MTNR1A: variants seen among roughly 807,000 people sequenced by gnomAD.
The protein encoded by MTNR1A is melatonin receptor 1A, also known as melatonin receptor type 1A.
MTNR1A carries 7 observed loss-of-function variants against 5.5 expected under a neutral mutation model. That is an observed-to-expected ratio of 1.28 (90% confidence interval 0.73 to 2.40). The LOEUF (loss-of-function observed/expected upper bound fraction) is 2.40. MTNR1A is among the 30% of genes most tolerant of loss of function. The pLI, the probability that MTNR1A is intolerant of heterozygous loss-of-function variation, is 0.00. For synonymous variants in MTNR1A, 196 were observed against 202.7 expected (o/e 0.97, Z 0.28); for missense variants, 441 against 464.4 (o/e 0.95, Z 0.46).
Position 186,533,866 on chromosome 4 carries a change from G to A in MTNR1A, c.876C>T (p.Ala292=), listed in dbSNP as rs762858253. Residue 292 remains alanine, a synonymous_variant, in exon 2 of 2, where the codon GCC becomes GCT. Transcript: ENST00000307161. Reference sequence around the variant, plus strand: ...TTTGGTTCAGTAGCCCGTATATAATGGCATTGAGGCAGCTGTTGAAATACG... The same window carrying A: ...TTTGGTTCAGTAGCCCGTATATAATAGCATTGAGGCAGCTGTTGAAATACG... ...YMAYFNSCLN[A]IIYGLLNQNF... is the part of the protein sequence containing the mutation. 9 of 1,614,040 alleles carry A rather than the reference G, an allele frequency of 5.6e-6. No individual in the cohort carries two copies. Among genetic ancestry groups the A allele is most frequent in the Non-Finnish European group, 7.6e-6 (9 of 1,180,048 alleles).
At chr4:186,535,308 A>T (rs1418527129) in intron 1 of MTNR1A, among the ~76,000 whole-genome samples, 2 of 152,234 alleles carry the variant, frequency 1.3e-5, no homozygotes, top group Non-Finnish European at 2.9e-5. Flanking sequence ...TAGATCTTAT[A>T]AAGAACTTAC....
rs1377784802 is a variant in MTNR1A at position 186,555,307 on chromosome 4, C to G, written c.59G>C (p.Gly20Ala). ...GGACGCCAGCCACGAGGGCCGCGCG[C>G]CGTCCCCGCGGAGCACGGGCTGGGA... ...NASQPVLRGD[G>A]ARPSWLASAL... Residue 20 changes from glycine to alanine, a missense_variant, in exon 1 of 2, where the codon GGC becomes GCC. Gly to Ala is a moderately conservative substitution (Grantham distance 60, BLOSUM62 0). Transcript: ENST00000307161. The surrounding 1 kb of genome is among the most constrained non-coding windows in gnomAD (Gnocchi z 4.1). 2.6e-6 allele frequency: 4 copies of G among 1,547,478 alleles called. No individual in the cohort carries two copies. In the South Asian group the frequency reaches 4.8e-5, roughly 18 times the overall value.
At chr4:186,553,238 T>C (rs937534187) in intron 1 of MTNR1A, among the ~76,000 whole-genome samples, 1 of 152,246 alleles carries the variant, frequency 6.6e-6, no homozygotes, top group Non-Finnish European at 1.5e-5. Context: ...GAATCAGCTA[T>C]CCTTATCACT....
At chr4:186,538,485 G>C (rs1164988204) in intron 1 of MTNR1A, among the ~76,000 whole-genome samples, 1 of 152,114 alleles carries the variant, frequency 6.6e-6, no homozygotes, top group Non-Finnish European at 1.5e-5. Context: ...GGGGGTGGGT[G>C]ACGGCAGTGT....
chr4:186,555,262 A>T lies in MTNR1A; in HGVS notation c.104T>A (p.Ile35Asn). ...WLASALACVL[I>N]FTIVVDILGN... is the part of the protein sequence containing the mutation. ...CAGGATGTCCACCACGATGGTGAAG[A>T]TGAGGACGCAGGCCAGGGCGGACGC... is the stretch of plus-strand genomic sequence containing the variant. Residue 35 changes from isoleucine to asparagine, a missense_variant, in exon 1 of 2, where the codon ATC becomes AAC. By Grantham distance (149) the Ile-to-Asn change is moderately radical (BLOSUM62 -3). Coordinates refer to ENST00000307161, the MANE Select transcript of MTNR1A (RefSeq NM_005958.4). The surrounding 1 kb of genome is among the most constrained non-coding windows in gnomAD (Gnocchi z 4.1). 1 of 1,562,662 alleles carries T rather than the reference A, an allele frequency of 6.4e-7. No individual in the cohort carries two copies. Among genetic ancestry groups the T allele is most frequent in the Non-Finnish European group, 8.7e-7 (1 of 1,154,752 alleles).
At chr4:186,545,850 G>A (rs1272842568) in intron 1 of MTNR1A, among the ~76,000 whole-genome samples, 1 of 152,200 alleles carries the variant, frequency 6.6e-6, no homozygotes, top group Non-Finnish European at 1.5e-5. Context: ...TACCGCAGGT[G>A]TGTAGGGAAT....
At chr4:186,550,371 G>T (rs969893754) in intron 1 of MTNR1A, among the ~76,000 whole-genome samples, 2 of 152,130 alleles carry the variant, frequency 1.3e-5, no homozygotes, top group African/African-American at 4.8e-5. Context: ...TAGAAGAAAG[G>T]GTATTTCTGT....
rs751040971 is a variant in MTNR1A at position 186,534,406 on chromosome 4, G to C, written c.336C>G (p.Ile112Met). ...VSGFLMGLSV[I>M]GSIFNITGIA... ...TGCCGGTGATGTTGAATATGGAGCC[G>C]ATGACGCTCAGGCCCATCAGGAACC... Residue 112 changes from isoleucine (I) to methionine (M), a missense_variant, in exon 2 of 2, where the codon ATC becomes ATG. Coordinates refer to ENST00000307161, the MANE Select transcript of MTNR1A (RefSeq NM_005958.4). 13 of 1,614,066 alleles carry C rather than the reference G, an allele frequency of 8.1e-6. No homozygotes were observed. Among genetic ancestry groups the C allele is most frequent in the Non-Finnish European group, 1.0e-5 (12 of 1,180,020 alleles).
chr4:186,534,325 G>A lies in MTNR1A; in HGVS notation c.417C>T (p.Tyr139=), dbSNP rs149520289. Residue 139 remains tyrosine (Y), a synonymous_variant, in exon 2 of 2, where the codon TAC becomes TAT. Transcript: ENST00000307161. ...CGTAGCAGAGGGAGTTCTTGCTGCT[G>A]TACAGTTTGTCGTACTTGAGACTGT... ...ICHSLKYDKL[Y]SSKNSLCYVL... 3.2e-4 allele frequency: 512 copies of A among 1,614,148 alleles called. 5 individuals are homozygous for A. The East Asian group carries it at 0.011, about 35-fold the overall frequency.
chr4:186,538,888 C>T (rs1736941012), intron 1 of MTNR1A, among the ~76,000 whole-genome samples: 1 of 152,112 alleles, frequency 6.6e-6, no homozygotes, highest in Non-Finnish European at 1.5e-5. Context: ...TTAAGGGACA[C>T]TGGTAGTCAC....
rs751775176 is a variant in MTNR1A, at chr4:186,534,571, G to A, written c.185-14C>T. 5 of 1,607,452 alleles carry A rather than the reference G, an allele frequency of 3.1e-6. No homozygotes were observed. The highest frequency in any genetic ancestry group is 1.7e-5 in the Admixed American group (1 of 59,986). On this transcript the variant is annotated splice_polypyrimidine_tract_variant and intron_variant, in intron 1 of 1. Coordinates refer to ENST00000307161, the MANE Select transcript of MTNR1A (RefSeq NM_005958.4). ...CAAAGATGTTTCCTGAAAGAGAATC[G>A]TTTAGAAAATACAGTGAATACCAGT... is the stretch of plus-strand genomic sequence containing the variant.
chr4:186,547,099 CCCTGTTCCTGGGA>C (rs1737165321), intron 1 of MTNR1A, among the ~76,000 whole-genome samples: 1 of 41,878 alleles, frequency 2.4e-5, no homozygotes, highest in Non-Finnish European at 5.1e-5. Flanking sequence ...CGTCCTCACA[CCCTGTTCCTGGGA>C]CACACCGTCC....
chr4:186,552,995 A>G (rs985285375), intron 1 of MTNR1A, among the ~76,000 whole-genome samples: 3 of 152,232 alleles, frequency 2.0e-5, no homozygotes, highest in Admixed American at 2.0e-4. Flanking sequence ...TTCCCTGGGA[A>G]GTCAAATGTC....
intron 1 of MTNR1A, among the ~76,000 whole-genome samples, chr4:186,554,676 C>A (rs1436777851): frequency 6.6e-6 from 1 of 152,200 alleles, no homozygotes; most frequent in Non-Finnish European, 1.5e-5. Context: ...CGCCGCCTGC[C>A]GGACACAGCA....
intron 1 of MTNR1A, among the ~76,000 whole-genome samples, chr4:186,535,897 G>A (rs1736838781): frequency 6.6e-6 from 1 of 152,158 alleles, no homozygotes; most frequent in South Asian, 2.1e-4. Flanking sequence ...TGCCCACCTA[G>A]TGGTAAGAGC....
At chr4:186,541,053 G>A (rs1010489769) in intron 1 of MTNR1A, among the ~76,000 whole-genome samples, 25 of 152,130 alleles carry the variant, frequency 1.6e-4, no homozygotes, top group African/African-American at 2.9e-4. Context: ...GCCACAGCCT[G>A]CGTTCCCACC....
chr4:186,552,592 C>G (rs1240084888), intron 1 of MTNR1A, among the ~76,000 whole-genome samples: 1 of 152,190 alleles, frequency 6.6e-6, no homozygotes, highest in East Asian at 1.9e-4. Flanking sequence ...CAAGCCAACA[C>G]AGTATTACGT....
chr4:186,545,757 A>G (rs1418476796), intron 1 of MTNR1A, among the ~76,000 whole-genome samples: 1 of 152,032 alleles, frequency 6.6e-6, no homozygotes, highest in Non-Finnish European at 1.5e-5. Context: ...GACCAGTAAT[A>G]AAGAACTATT....
intron 1 of MTNR1A, among the ~76,000 whole-genome samples, chr4:186,554,880 C>G (rs964775767): frequency 1.3e-5 from 2 of 152,216 alleles, no homozygotes; most frequent in Non-Finnish European, 2.9e-5. Flanking sequence ...GAACTTTCTG[C>G]AGCCTGGACC....
Sources: gnomAD v4.1 joint callset for allele counts (sites outside exome capture counted in the v4.1 genomes callset) on GRCh38, gnomAD v4.1.1 for gene constraint, Gnocchi (gnomAD v3.1) non-coding constraint, MANE v1.5 for transcripts, NCBI Gene and HGNC (gene_info 2026-07-23, HGNC 2026-07-21) for gene names.